TXNDC15: variants seen among roughly 807,000 people sequenced by gnomAD.
TXNDC15 encodes thioredoxin domain containing 15.
In TXNDC15, 24 loss-of-function variants were observed where a neutral mutation model predicts 35.0. The ratio of observed to expected loss-of-function variants is 0.68; its 90% confidence interval spans 0.50 to 0.96. The LOEUF (loss-of-function observed/expected upper bound fraction) is 0.96. Ranked by LOEUF, TXNDC15 falls within the 40% of genes least tolerant of loss-of-function variation. TXNDC15 has a pLI of 0.00. For synonymous variants in TXNDC15, 169 were observed against 174.0 expected, an observed-to-expected ratio of 0.97 and a Z score of 0.23; for missense variants, 385 against 453.3, an observed-to-expected ratio of 0.85 and a Z score of 1.37.
At chr5:134,894,868 A>T (rs1288467484) in intron 3 of TXNDC15, among the ~76,000 whole-genome samples, 1 of 152,120 alleles carries the variant, frequency 6.6e-6, no homozygotes, top group African/African-American at 2.4e-5. Context: ...GAAGTTGAGT[A>T]AACTTCCATT....
In TXNDC15 at chr5:134,896,279, T is replaced by G. The variant is rs1173095706; in HGVS notation, c.756-15T>G. 3 of 1,602,464 alleles carry G rather than the reference T, an allele frequency of 1.9e-6. No individual in the cohort carries two copies. Among genetic ancestry groups the G allele is most frequent in the Non-Finnish European group, 2.5e-6 (3 of 1,177,300 alleles). On this transcript the variant is annotated splice_polypyrimidine_tract_variant and intron_variant, in intron 3 of 4. Transcript: ENST00000358387. ...TAATAATAAATTCAGGTTTTTTGACTTCTTTCTCTTGTAGCCTTTCTACCA... is the reference window on the plus strand; with the variant it reads ...TAATAATAAATTCAGGTTTTTTGACGTCTTTCTCTTGTAGCCTTTCTACCA...
At chr5:134,875,837 T>G (rs1443512365) in intron 1 of TXNDC15, among the ~76,000 whole-genome samples, 1 of 152,028 alleles carries the variant, frequency 6.6e-6, no homozygotes. Context: ...ACTGGGCTAA[T>G]TTTTGTATTT....
Position 134,896,933 on chromosome 5 carries a change from G to A in TXNDC15, c.886+509G>A, listed in dbSNP as rs569405825. On this transcript the variant is annotated intron_variant, in intron 4 of 4. Coordinates refer to ENST00000358387, the MANE Select transcript of TXNDC15 (RefSeq NM_024715.4). Reference sequence around the variant, plus strand: ...GCTGGGATTACAGGCGTGAGCCACCGCACCCAGCCTTTTTTTCCTTTTTTT... The same window carrying A: ...GCTGGGATTACAGGCGTGAGCCACCACACCCAGCCTTTTTTTCCTTTTTTT... Among the ~76,000 whole-genome samples, 14 of 147,678 alleles carry A rather than the reference G, an allele frequency of 9.5e-5. No individual in the cohort carries two copies. In the South Asian group the frequency reaches 1.3e-3, roughly 14 times the overall value.
In TXNDC15 at chr5:134,881,690, A is replaced by G. The variant is rs1448482464; in HGVS notation, c.104-6005A>G. On this transcript the variant is annotated intron_variant, in intron 1 of 4. Coordinates refer to ENST00000358387, the MANE Select transcript of TXNDC15 (RefSeq NM_024715.4). ...CCATTGTCATCATGGCCCGTTCTCA[A>G]TGAGCTGTTGGGTACACCTCCCAGA... 6.2e-4 allele frequency among the ~76,000 whole-genome samples: 90 copies of G among 145,096 alleles called. 2 individuals are homozygous for G. The East Asian group carries it at 0.017, about 28-fold the overall frequency.
intron 4 of TXNDC15, 99 bp downstream of exon 4, chr5:134,896,523 CA>C (rs1226418096): frequency 1.4e-6 from 2 of 1,435,398 alleles, no homozygotes; most frequent in Non-Finnish European, 1.9e-6. Flanking sequence ...GTGAAGGATT[CA>C]AGACTGACTT....
rs751098210 is a variant in TXNDC15 at position 134,893,573 on chromosome 5, A to G, written c.673A>G (p.Ser225Gly). Residue 225 changes from serine (S) to glycine (G), a missense_variant, in exon 3 of 5, where the codon AGT becomes GGT. Transcript: ENST00000358387. Reference sequence around the variant, plus strand: ...CACCCCGTGGTGCCGCTTTTCTGCCAGTTTGGCCCCTCACTTTAACTCTCT... The same window carrying G: ...CACCCCGTGGTGCCGCTTTTCTGCCGGTTTGGCCCCTCACTTTAACTCTCT... ...FYTPWCRFSA[S>G]LAPHFNSLPR... is the part of the protein sequence containing the mutation. 8.1e-6 allele frequency: 13 copies of G among 1,614,002 alleles called. No individual in the cohort carries two copies. Among genetic ancestry groups the G allele is most frequent in the Admixed American group, 3.3e-5 (2 of 59,986 alleles).
intron 4 of TXNDC15, 133 bp downstream of exon 4, chr5:134,896,557 A>T (rs1750491497): frequency 3.6e-6 from 4 of 1,097,156 alleles, no homozygotes; most frequent in Admixed American, 2.4e-5. Context: ...CTTCTCTTCT[A>T]ATGAACTGTT....
At chr5:134,887,267 C>A (rs1750294105) in intron 1 of TXNDC15, among the ~76,000 whole-genome samples, 1 of 152,170 alleles carries the variant, frequency 6.6e-6, no homozygotes, top group Non-Finnish European at 1.5e-5. Flanking sequence ...TCACTGCAAC[C>A]TCCGCCTCCT....
In TXNDC15 at chr5:134,887,911, C is replaced by G; in HGVS notation, c.320C>G (p.Ser107Ter). The change falls in exon 2 of 5, where the codon TCA becomes TGA. Residue 107 changes from serine (S) to a stop codon, truncating the protein, a stop_gained. Coordinates refer to ENST00000358387, the MANE Select transcript of TXNDC15 (RefSeq NM_024715.4). LOFTEE classifies it high-confidence loss of function. Reference sequence around the variant, plus strand: ...GGGGAAGCTGAGGACAAAGTGAGTTCAGAGCCTAGCGGCGTCACCTGTGGT... The same window carrying G: ...GGGGAAGCTGAGGACAAAGTGAGTTGAGAGCCTAGCGGCGTCACCTGTGGT... ...IPGEAEDKVS[S>*]EPSGVTCGAG... The G allele has an allele frequency of 6.2e-7, 1 of 1,614,198 alleles. No individual in the cohort carries two copies. Among genetic ancestry groups the G allele is most frequent in the Non-Finnish European group, 8.5e-7 (1 of 1,180,042 alleles).
chr5:134,886,927 T>A (rs1750286838), intron 1 of TXNDC15, among the ~76,000 whole-genome samples: 1 of 152,258 alleles, frequency 6.6e-6, no homozygotes, highest in South Asian at 2.1e-4. Context: ...ACCCTTGTCT[T>A]GCCCATCTCA....
intron 4 of TXNDC15, among the ~76,000 whole-genome samples, chr5:134,897,392 T>C (rs1421938270): frequency 6.6e-6 from 1 of 150,952 alleles, no homozygotes; most frequent in African/African-American, 2.4e-5. Context: ...GGATTATAGG[T>C]GCGCACCACC....
rs1038239896 is a variant in TXNDC15 at position 134,887,797 on chromosome 5, T to C, written c.206T>C (p.Met69Thr). 7 of 1,614,120 alleles carry C rather than the reference T, an allele frequency of 4.3e-6. No homozygotes were observed. The Admixed American group carries it at 8.3e-5, about 19-fold the overall frequency. Residue 69 changes from methionine (M) to threonine (T), a missense_variant, in exon 2 of 5, where the codon ATG becomes ACG. By Grantham distance (81) the Met-to-Thr change is moderately conservative. Transcript: ENST00000358387. The part of the protein sequence containing the change: ...LGEEELLHDP[M>T]GQDRAAEEAN... ...GAGGAGGAGCTCCTGCATGACCCGA[T>C]GGGCCAGGACAGGGCAGCAGAAGAG... is the stretch of plus-strand genomic sequence containing the variant.
chr5:134,882,065 C>T (rs1167393429), intron 1 of TXNDC15, among the ~76,000 whole-genome samples: 14 of 149,836 alleles, frequency 9.3e-5, no homozygotes, highest in Admixed American at 2.0e-4. Flanking sequence ...GGCTGCTGGG[C>T]GGAGGGGCTC....
intron 2 of TXNDC15, among the ~76,000 whole-genome samples, chr5:134,889,381 G>A (rs984664761): frequency 1.3e-5 from 2 of 152,074 alleles, no homozygotes; most frequent in African/African-American, 2.4e-5. Context: ...ATGCCACCAC[G>A]CCTGGCTAAT....
At chr5:134,881,199 A>ATTTTTTTTTTTT (rs1554162551) in intron 1 of TXNDC15, among the ~76,000 whole-genome samples, 1 of 132,460 alleles carries the variant, frequency 7.5e-6, no homozygotes. Flanking sequence ...TTATTTATTT[A>ATTTTTTTTTTTT]TTTTTTTATT....
Position 134,899,974 on chromosome 5 carries a change from TC to T in TXNDC15, c.*291del, listed in dbSNP as rs1299890820. 1 of 280,162 alleles carries T rather than the reference TC, an allele frequency of 3.6e-6. No individual in the cohort carries two copies. Among genetic ancestry groups the T allele is most frequent in the African/African-American group, 2.2e-5 (1 of 44,734 alleles). 17.4% of individuals were successfully genotyped at this position (280,162 alleles called of 1,614,324 possible). ...TCCAGTTTGAAATGTGAAGATGTAT[TC>T]CGGCAGAATAGTGAGTAGAATGACA... is the stretch of plus-strand genomic sequence containing the variant. On this transcript the variant is annotated 3_prime_UTR_variant, in exon 5 of 5. Transcript: ENST00000358387.
At chr5:134,875,232 T>C (rs1342932677) in intron 1 of TXNDC15, 1 of 455,760 alleles carries the variant, frequency 2.2e-6, no homozygotes, top group African/African-American at 2.0e-5. Context: ...GGGTGGAGAG[T>C]GGAGGCCTTA....
chr5:134,887,385 A>G (rs1440285649), intron 1 of TXNDC15, among the ~76,000 whole-genome samples: 1 of 152,130 alleles, frequency 6.6e-6, no homozygotes, highest in South Asian at 2.1e-4. Context: ...GGGTTTCACC[A>G]TGTTGGCCAG....
At chr5:134,887,624 G>GT (rs1441256159) in intron 1 of TXNDC15, 71 bp from the exon 2 acceptor site, 7 of 1,507,006 alleles carry the variant, frequency 4.6e-6, no homozygotes, top group Non-Finnish European at 4.4e-6. Context: ...GTGTTAGAGG[G>GT]GAACTGTAAT....
Sources: gnomAD v4.1 joint callset for allele counts (sites outside exome capture counted in the v4.1 genomes callset) on GRCh38, gnomAD v4.1.1 for gene constraint, MANE v1.5 for transcripts, NCBI Gene and HGNC (gene_info 2026-07-23, HGNC 2026-07-21) for gene names.